The following FCER1A variants were observed in gnomAD, a reference collection of about 807,000 sequenced individuals.
FCER1A encodes the protein high affinity immunoglobulin epsilon receptor subunit alpha.
In FCER1A, 24 loss-of-function variants were observed where a neutral mutation model predicts 23.6. That is an observed-to-expected ratio of 1.02 (90% confidence interval 0.74 to 1.43). FCER1A has a LOEUF of 1.43. Ranked by LOEUF, FCER1A falls within the 40% of genes most tolerant of loss-of-function variation. The pLI is 0.00. For synonymous variants in FCER1A, 121 were observed against 108.8 expected (o/e 1.11, Z -0.70); for missense variants, 318 against 294.5 (o/e 1.08, Z -0.58).
At chr1:159,288,407 T>G (rs900729879), upstream of FCER1A, among the ~76,000 whole-genome samples, 1 of 152,194 alleles carries the variant, frequency 6.6e-6, no homozygotes, top group Non-Finnish European at 1.5e-5. Flanking sequence ...TTAACACTAT[T>G]AATCACTCTC....
chr1:159,305,942 T>C (rs755669655), intron 3 of FCER1A, 46 bp from the exon 4 acceptor site: 1 of 1,551,212 alleles, frequency 6.4e-7, no homozygotes, highest in South Asian at 1.1e-5. Context: ...TCATTCTCTC[T>C]CTCTTCATTT....
chr1:159,291,469 G>T (rs10047107), intron 1 of FCER1A, among the ~76,000 whole-genome samples: 18,486 of 151,876 alleles, frequency 0.12, 3,784 homozygotes, highest in African/African-American at 0.42. Flanking sequence ...AGTTATTTTT[G>T]CAGAATGCAA....
chr1:159,291,096 G>A (rs550697483), intron 1 of FCER1A, among the ~76,000 whole-genome samples: 17 of 152,190 alleles, frequency 1.1e-4, no homozygotes, highest in African/African-American at 3.9e-4. Context: ...GAACTACCAA[G>A]GAACAGCTAA....
At chr1:159,286,210 A>ATAAT (rs1247904574), upstream of FCER1A, among the ~76,000 whole-genome samples, 4 of 152,008 alleles carry the variant, frequency 2.6e-5, no homozygotes, top group Admixed American at 6.6e-5. Flanking sequence ...AAATAAATAA[A>ATAAT]TAAATAAAAT....
upstream of FCER1A, among the ~76,000 whole-genome samples, chr1:159,286,993 T>C (rs555414189): frequency 1.3e-5 from 2 of 152,288 alleles, no homozygotes; most frequent in South Asian, 4.1e-4. Flanking sequence ...ATTAATTCTC[T>C]AGAAATAAGG....
intron 4 of FCER1A, among the ~76,000 whole-genome samples, chr1:159,306,500 A>G (rs1652620884): frequency 6.6e-6 from 1 of 152,166 alleles, no homozygotes; most frequent in Admixed American, 6.5e-5. Flanking sequence ...ATATTTGTGA[A>G]ATGACTTTGT....
the FCER1A span, among the ~76,000 whole-genome samples, chr1:159,284,497 G>T: frequency 6.6e-6 from 1 of 152,218 alleles, no homozygotes; most frequent in Admixed American, 6.5e-5. Context: ...GCCCACAAGG[G>T]CCTTCAACCC....
upstream of FCER1A, among the ~76,000 whole-genome samples, chr1:159,285,038 G>A: frequency 6.6e-6 from 1 of 152,222 alleles, no homozygotes; most frequent in Non-Finnish European, 1.5e-5. Flanking sequence ...TCTCAACAGT[G>A]GTGCTGTTGA....
At chr1:159,305,801 T>C (rs1201477343) in intron 3 of FCER1A, among the ~76,000 whole-genome samples, 187 bp from the exon 4 acceptor site, 1 of 152,192 alleles carries the variant, frequency 6.6e-6, no homozygotes, top group Non-Finnish European at 1.5e-5. Context: ...GGAAAGGATT[T>C]ATCAATACAC....
chr1:159,295,720 G>A (rs904416444), intron 1 of FCER1A, among the ~76,000 whole-genome samples: 3 of 152,108 alleles, frequency 2.0e-5, no homozygotes, highest in South Asian at 2.1e-4. Flanking sequence ...TGGAAACTGC[G>A]GATCAGGGCC....
At chr1:159,295,110 A>G (rs1326519669) in intron 1 of FCER1A, among the ~76,000 whole-genome samples, 1 of 152,202 alleles carries the variant, frequency 6.6e-6, no homozygotes, top group African/African-American at 2.4e-5. Flanking sequence ...TTTATTTTAC[A>G]TTCTCTGCTA....
chr1:159,307,956 C>T lies in FCER1A; in HGVS notation c.*24C>T. The T allele has an allele frequency of 6.4e-7, 1 of 1,555,088 alleles. No homozygotes were observed. Among genetic ancestry groups the T allele is most frequent in the Non-Finnish European group, 8.8e-7 (1 of 1,138,314 alleles). On this transcript the variant is annotated 3_prime_UTR_variant, in exon 5 of 5. Transcript: ENST00000693622. ...GATATAATTACTCAAGAAATATTTG[C>T]AACATTAGTTTTTTTCCAGCATCAG...
chr1:159,307,699 A>T, intron 4 of FCER1A, 49 bp from the exon 5 acceptor site: 7 of 1,398,470 alleles, frequency 5.0e-6, no homozygotes, highest in Non-Finnish European at 7.0e-6. Context: ...CTCATTTTTC[A>T]GTTCCCAAGA....
chr1:159,303,015 T>G, intron 2 of FCER1A, 141 bp downstream of exon 2: 1 of 806,176 alleles, frequency 1.2e-6, no homozygotes, highest in Non-Finnish European at 2.2e-6. Flanking sequence ...CCTCTCCACC[T>G]TGCCTTGTCT....
At chr1:159,297,902 A>C (rs1652336854), upstream of FCER1A, among the ~76,000 whole-genome samples, 1 of 151,988 alleles carries the variant, frequency 6.6e-6, no homozygotes, top group African/African-American at 2.4e-5. Flanking sequence ...AAGAAGGAAA[A>C]CTTTTTTATA....
chr1:159,304,641 A>G (rs1416522870), intron 3 of FCER1A, among the ~76,000 whole-genome samples: 1 of 152,066 alleles, frequency 6.6e-6, no homozygotes, highest in Non-Finnish European at 1.5e-5. Flanking sequence ...AGACCCCTGC[A>G]TCTCTTTTCT....
At chr1:159,293,284 A>G (rs967721611) in intron 1 of FCER1A, among the ~76,000 whole-genome samples, 1 of 151,534 alleles carries the variant, frequency 6.6e-6, no homozygotes, top group Non-Finnish European at 1.5e-5. Flanking sequence ...ATGTTCTTCC[A>G]GGCCCTCATG....
chr1:159,290,282 GC>G (rs1652114232), intron 1 of FCER1A, among the ~76,000 whole-genome samples: 1 of 152,036 alleles, frequency 6.6e-6, no homozygotes, highest in Admixed American at 6.6e-5. Context: ...TTTCCTTTAT[GC>G]CCACCTAACT....
At chr1:159,306,591 ACTTATATTTAT>A (rs1395057603) in intron 4 of FCER1A, among the ~76,000 whole-genome samples, 6 of 152,194 alleles carry the variant, frequency 3.9e-5, no homozygotes, top group Non-Finnish European at 8.8e-5. Context: ...CTGGGGGAAC[ACTTATATTTAT>A]CAAATTGAAA....
Sources: allele counts gnomAD v4.1 joint callset (sites outside exome capture counted in the v4.1 genomes callset), GRCh38; gene constraint gnomAD v4.1.1; transcripts MANE v1.5; gene names NCBI Gene and HGNC (gene_info 2026-07-23, HGNC 2026-07-21).